NALCN: variants seen among roughly 807,000 people sequenced by gnomAD.
The protein encoded by NALCN is sodium leak channel, non-selective.
Under a neutral mutation model 225.3 loss-of-function variants are expected in NALCN, and 111 were observed. The observed-to-expected ratio is 0.49, with a 90% CI of 0.42 to 0.58. NALCN has a LOEUF of 0.58. Among genes scored for constraint, NALCN ranks in the 20% least tolerant of loss-of-function variants. NALCN has a pLI of 0.00. For missense variants in NALCN, 1,378 were observed against 2,202.4 expected (o/e 0.63, Z 7.49); for synonymous variants, 764 against 769.0 (o/e 0.99, Z 0.11).
intron 15 of NALCN, among the ~76,000 whole-genome samples, chr13:101,164,102 T>A (rs187736758): frequency 5.0e-4 from 76 of 152,260 alleles, no homozygotes; most frequent in South Asian, 1.7e-3. Flanking sequence ...ACAAAGACCC[T>A]ATTTCCAATC....
At chr13:101,065,838 GC>G (rs1190924918) in intron 39 of NALCN, among the ~76,000 whole-genome samples, 1 of 151,994 alleles carries the variant, frequency 6.6e-6, no homozygotes, top group Non-Finnish European at 1.5e-5. Flanking sequence ...CTCCCCTTCA[GC>G]CCCCCAGGAC....
chr13:101,100,724 C>T, intron 27 of NALCN, 60 bp downstream of exon 27: 2 of 1,386,304 alleles, frequency 1.4e-6, no homozygotes, highest in Non-Finnish European at 2.0e-6. Flanking sequence ...GGATTGTAGG[C>T]ACATGCCACC....
intron 15 of NALCN, among the ~76,000 whole-genome samples, chr13:101,152,153 G>A (rs903071828): frequency 6.6e-6 from 1 of 152,174 alleles, no homozygotes; most frequent in African/African-American, 2.4e-5. Context: ...AGAAATTGGA[G>A]GGCTCATTTC....
chr13:101,354,727 A>G (rs9585678), intron 6 of NALCN, among the ~76,000 whole-genome samples: 38,313 of 152,132 alleles, frequency 0.25, 4,994 homozygotes, highest in Non-Finnish European at 0.29. Context: ...CACCTCTTAC[A>G]TACTTGGAGG....
rs920065995 is a variant in NALCN, at chr13:101,055,110, A to C, written c.*185T>G. 1.7e-6 allele frequency: 1 copy of C among 583,318 alleles called. No individual in the cohort carries two copies. The highest frequency in any genetic ancestry group is 1.9e-5 in the African/African-American group (1 of 53,392). The allele number at this position is 583,318 out of a possible 1,614,324, so 36.1% of individuals were successfully genotyped here. A position where few individuals can be genotyped will look rare whatever the true frequency, so the allele number is the denominator to read the frequency against. ...TATACAAAAATTTTTTTGAGCAATG[A>C]TTGATAGTAACCCATCATACATGCA... On this transcript the variant is annotated 3_prime_UTR_variant, in exon 44 of 44. Coordinates refer to ENST00000251127, the MANE Select transcript of NALCN (RefSeq NM_052867.4).
At chr13:101,140,373 G>A (rs2037013615) in intron 17 of NALCN, among the ~76,000 whole-genome samples, 1 of 152,144 alleles carries the variant, frequency 6.6e-6, no homozygotes, top group African/African-American at 2.4e-5. Context: ...CAGGAAATGT[G>A]AGAAACAATC....
chr13:101,208,713 G>A (rs76261048), intron 13 of NALCN, among the ~76,000 whole-genome samples: 1 of 152,162 alleles, frequency 6.6e-6, no homozygotes, highest in East Asian at 1.9e-4. Flanking sequence ...GTGAGCTCTC[G>A]CTCTAAGCTC....
At chr13:101,342,677 A>T (rs1367454668) in intron 7 of NALCN, among the ~76,000 whole-genome samples, 2 of 152,162 alleles carry the variant, frequency 1.3e-5, no homozygotes. Context: ...GTTTATAGTT[A>T]CAGCTTTTCA....
intron 15 of NALCN, 141 bp from the exon 16 acceptor site, chr13:101,145,037 C>A: frequency 5.0e-6 from 4 of 795,594 alleles, no homozygotes; most frequent in South Asian, 4.1e-5. Context: ...ACCAAGTATA[C>A]CTCTCTTGCC....
intron 33 of NALCN, 100 bp downstream of exon 33, chr13:101,082,709 T>A: frequency 8.1e-7 from 1 of 1,233,932 alleles, no homozygotes; most frequent in Non-Finnish European, 1.2e-6. Flanking sequence ...TCAAAGGCAA[T>A]GGAACACAGA....
chr13:101,401,456 T>C (rs945750401), intron 1 of NALCN, among the ~76,000 whole-genome samples: 8 of 152,078 alleles, frequency 5.3e-5, no homozygotes, highest in African/African-American at 1.9e-4. Flanking sequence ...AAAAGAGTGG[T>C]TTCACTTCAA....
intron 15 of NALCN, among the ~76,000 whole-genome samples, chr13:101,172,544 A>T (rs1416826597): frequency 6.6e-6 from 1 of 152,012 alleles, no homozygotes; most frequent in Non-Finnish European, 1.5e-5. Context: ...TGAGTGTTGC[A>T]TGTTAACACC....
intron 6 of NALCN, among the ~76,000 whole-genome samples, chr13:101,356,658 G>T (rs1249762165): frequency 6.6e-6 from 1 of 152,132 alleles, no homozygotes; most frequent in South Asian, 2.1e-4. Flanking sequence ...AATTGAAAAG[G>T]AGGGACTCCT....
At chr13:101,206,534 A>G (rs1323231634) in intron 13 of NALCN, among the ~76,000 whole-genome samples, 1 of 151,928 alleles carries the variant, frequency 6.6e-6, no homozygotes, top group Non-Finnish European at 1.5e-5. Flanking sequence ...TCTTTCTTTT[A>G]GAACTTTACC....
At chr13:101,274,492 G>GA (rs1818189213) in intron 10 of NALCN, among the ~76,000 whole-genome samples, 1 of 152,140 alleles carries the variant, frequency 6.6e-6, no homozygotes, top group African/African-American at 2.4e-5. Context: ...TACCTTTATG[G>GA]TGCTGTGAGC....
intron 37 of NALCN, among the ~76,000 whole-genome samples, chr13:101,070,084 T>TTTTTTTTG (rs1594136858): frequency 6.7e-6 from 1 of 149,390 alleles, no homozygotes; most frequent in African/African-American, 2.5e-5. Context: ...TTTTTTTTTT[T>TTTTTTTTG]GAGACGGAGT....
chr13:101,339,595 T>C (rs2045491522), intron 7 of NALCN, among the ~76,000 whole-genome samples: 1 of 152,182 alleles, frequency 6.6e-6, no homozygotes, highest in Non-Finnish European at 1.5e-5. Context: ...CATCACAGCA[T>C]GGCTGTGCCT....
chr13:101,211,702 T>A (rs2040532279), intron 13 of NALCN, among the ~76,000 whole-genome samples: 2 of 151,520 alleles, frequency 1.3e-5, no homozygotes, highest in Admixed American at 6.6e-5. Flanking sequence ...AGCCAAATTG[T>A]TAGTTTCTAT....
At chr13:101,200,518 C>T (rs1000025633) in intron 13 of NALCN, among the ~76,000 whole-genome samples, 1 of 151,932 alleles carries the variant, frequency 6.6e-6, no homozygotes, top group Non-Finnish European at 1.5e-5. Context: ...AAAATAAGAC[C>T]ACCAAAGAGG....
Sources: allele counts gnomAD v4.1 joint callset (sites outside exome capture counted in the v4.1 genomes callset), GRCh38; gene constraint gnomAD v4.1.1; transcripts MANE v1.5; gene names NCBI Gene and HGNC (gene_info 2026-07-23, HGNC 2026-07-21).